PAQR3: variants seen among roughly 807,000 people sequenced by gnomAD.
PAQR3 encodes progestin and adipoQ receptor family member 3, also known as Raf kinase trapping to Golgi.
In PAQR3, 39 loss-of-function variants were observed where a neutral mutation model predicts 41.7. The observed-to-expected ratio is 0.93, with a 90% confidence interval of 0.72 to 1.22. The LOEUF (loss-of-function observed/expected upper bound fraction) is 1.22, where lower values mean the gene tolerates loss of function less well. Among genes scored for constraint, PAQR3 ranks in the 50% most tolerant of loss-of-function variants. PAQR3 has a pLI of 0.00. For synonymous variants in PAQR3, 140 were observed against 140.6 expected (o/e 1.00, Z 0.03); for missense variants, 366 against 385.6 (o/e 0.95, Z 0.42).
Position 78,915,047 on chromosome 4 carries a change from T to C in PAQR3, c.*5492A>G, listed in dbSNP as rs1160507611. ...AGACACAAAAATTGCATGGTAAGTATAATAGGTGGAGGAGGAAAGGTTGTA... is the reference window on the plus strand; with the variant it reads ...AGACACAAAAATTGCATGGTAAGTACAATAGGTGGAGGAGGAAAGGTTGTA... On this transcript the variant is annotated 3_prime_UTR_variant, in exon 6 of 6. Transcript: ENST00000512733. The C allele has an allele frequency of 6.6e-6, 1 of 151,994 alleles. No individual in the cohort carries two copies. The highest frequency in any genetic ancestry group is 2.4e-5 in the African/African-American group (1 of 41,418). 9.4% of individuals were successfully genotyped at this position (151,994 alleles called of 1,614,324 possible).
intron 11 of PAQR3, among the ~76,000 whole-genome samples, chr4:78,904,101 A>G (rs1734161265): frequency 6.6e-6 from 1 of 152,000 alleles, no homozygotes; most frequent in Non-Finnish European, 1.5e-5. Context: ...GAAAAAGTGC[A>G]AAGAGATAAG....
At chr4:78,923,683 A>G in intron 5 of PAQR3, 174 bp downstream of exon 5, 1 of 624,724 alleles carries the variant, frequency 1.6e-6, no homozygotes, top group Middle Eastern at 4.4e-4. Flanking sequence ...CATGATCAGG[A>G]TGAAAGGAAA....
chr4:78,927,061 C>A (rs1736310976), intron 3 of PAQR3, among the ~76,000 whole-genome samples: 1 of 152,010 alleles, frequency 6.6e-6, no homozygotes, highest in South Asian at 2.1e-4. Context: ...ATGGGAGGGG[C>A]AGAATGTGAA....
intron 11 of PAQR3, among the ~76,000 whole-genome samples, chr4:78,896,265 A>G (rs1733698127): frequency 6.6e-6 from 1 of 152,208 alleles, no homozygotes; most frequent in African/African-American, 2.4e-5. Context: ...GCAGTTTTTT[A>G]TACAAATGCC....
Position 78,917,210 on chromosome 4 carries a change from T to TTAA in PAQR3, c.*3326_*3328dup, listed in dbSNP as rs964326077. The TTAA allele has an allele frequency of 4.6e-5, 7 of 151,974 alleles. No homozygotes were observed. The highest frequency in any genetic ancestry group is 1.7e-4 in the African/African-American group (7 of 41,438). The allele number at this position is 151,974 out of a possible 1,614,324, so 9.4% of individuals were successfully genotyped here. ...GTCAAGCATCATATGTAACATGTAGTTAATATTCTCATATTGAAAGCTTGA... is the reference window on the plus strand; with the variant it reads ...GTCAAGCATCATATGTAACATGTAGTTAATAATATTCTCATATTGAAAGCTTGA... On this transcript the variant is annotated 3_prime_UTR_variant, in exon 6 of 6. Coordinates refer to ENST00000512733, the MANE Select transcript of PAQR3 (RefSeq NM_001040202.2).
intron 11 of PAQR3, among the ~76,000 whole-genome samples, chr4:78,895,359 G>T (rs1733647676): frequency 6.6e-6 from 1 of 152,168 alleles, no homozygotes; most frequent in African/African-American, 2.4e-5. Flanking sequence ...ACACAGTTTA[G>T]CTGCATTTCA....
In PAQR3 at chr4:78,914,913, TTGAATAATCCTTTAAAAAG is replaced by T. The variant is rs1734915042; in HGVS notation, c.*5607_*5625del. 6.6e-6 allele frequency: 1 copy of T among 151,992 alleles called. No homozygotes were observed. Among genetic ancestry groups the T allele is most frequent in the Non-Finnish European group, 1.5e-5 (1 of 67,920 alleles). 9.4% of individuals were successfully genotyped at this position (151,992 alleles called of 1,614,324 possible). A position where few individuals can be genotyped will look rare whatever the true frequency, so the allele number is the denominator to read the frequency against. ...ACAGCTTTAATAATGCTTGTTGATT[TTGAATAATCCTTTAAAAAG>T]TGGACCATTTGCTTATTTTAATATC... On this transcript the variant is annotated 3_prime_UTR_variant, in exon 6 of 6. Coordinates refer to ENST00000512733, the MANE Select transcript of PAQR3 (RefSeq NM_001040202.2).
intron 3 of PAQR3, among the ~76,000 whole-genome samples, chr4:78,928,974 C>T (rs570444861): frequency 9.1e-4 from 139 of 152,314 alleles, no homozygotes; most frequent in African/African-American, 3.0e-3. Context: ...ATAGGGTTCG[C>T]GCTGCTGTGA....
intron 11 of PAQR3, among the ~76,000 whole-genome samples, chr4:78,905,211 G>A (rs891321298): frequency 8.6e-5 from 13 of 151,530 alleles, no homozygotes; most frequent in Non-Finnish European, 1.2e-4. Context: ...ATTTTTGCAC[G>A]GCATTTATTT....
At position 78,926,045 on chromosome 4, in the gene PAQR3, A is replaced by C. The variant is rs999386077; in HGVS notation, c.702+476T>G. Among the ~76,000 whole-genome samples, 152 of 152,306 alleles carry C rather than the reference A, an allele frequency of 1.0e-3. 9 individuals carry two copies. The highest frequency in any genetic ancestry group is 6.5e-4 in the Admixed American group (10 of 15,294). ...ATTGCCAGTCTCAAACTCTGGCTGA[A>C]ATCCCAGATCCTATCTCTACCTTTA... On this transcript the variant is annotated intron_variant, in intron 4 of 5. Transcript: ENST00000512733.
At chr4:78,938,652 T>C (rs563500520) in intron 1 of PAQR3, among the ~76,000 whole-genome samples, 1 of 152,226 alleles carries the variant, frequency 6.6e-6, no homozygotes, top group South Asian at 2.1e-4. Flanking sequence ...CAGGCACTTA[T>C]CTGGCCCAAA....
chr4:78,930,319 TAC>T lies in PAQR3; in HGVS notation c.353_354del (p.Cys118TyrfsTer49). The T allele has an allele frequency of 6.3e-7, 1 of 1,597,342 alleles. No homozygotes were observed. The highest frequency in any genetic ancestry group is 8.5e-7 in the Non-Finnish European group (1 of 1,175,698). ...CSICLFCFQVCMLCSVGYHLF... is the reference protein window; with the variant it reads ...CSICLFCFQVXMLCSVGYHLF... Reference sequence around the variant, plus strand: ...AGATGATAGCCCACAGAGCAAAGCATACAGACCTGTGAAAAATAAAAACAAAT... The same window carrying T: ...AGATGATAGCCCACAGAGCAAAGCATAGACCTGTGAAAAATAAAAACAAAT... On this transcript the variant is annotated frameshift_variant, in exon 3 of 6. Transcript: ENST00000512733. LOFTEE classifies it high-confidence loss of function.
At chr4:78,921,648 G>C in intron 5 of PAQR3, 1 of 979,278 alleles carries the variant, frequency 1.0e-6, no homozygotes, top group South Asian at 4.7e-5. Flanking sequence ...GGGACCCTTG[G>C]ACCCATCAAA....
At chr4:78,898,614 T>G (rs1162457313) in intron 11 of PAQR3, among the ~76,000 whole-genome samples, 2 of 149,882 alleles carry the variant, frequency 1.3e-5, no homozygotes, top group Non-Finnish European at 3.0e-5. Flanking sequence ...ATTCCTTTCC[T>G]GTTTAAAGTC....
In PAQR3 at chr4:78,921,796, A is replaced by G. The variant is rs140062657; in HGVS notation, c.794-1115T>C. 6.2e-5 allele frequency: 61 copies of G among 984,986 alleles called. No homozygotes were observed. In the East Asian group the frequency reaches 6.4e-3, roughly 103 times the overall value. The allele number at this position is 984,986 out of a possible 1,614,324, so 61.0% of individuals were successfully genotyped here. The stretch of plus-strand genomic sequence containing the variant: ...GAGATAGTTTCTAAGGCATTTATAT[A>G]TGAACATTTGAGACTATCACTTTTC... On this transcript the variant is annotated intron_variant, in intron 5 of 5. Transcript: ENST00000512733.
rs1577993881 is a variant in PAQR3, at chr4:78,913,948, A to G, written c.*6591T>C. 6.6e-6 allele frequency: 1 copy of G among 151,934 alleles called. No individual in the cohort carries two copies. Among genetic ancestry groups the G allele is most frequent in the African/African-American group, 2.4e-5 (1 of 41,370 alleles). The allele number at this position is 151,934 out of a possible 1,614,324, so 9.4% of individuals were successfully genotyped here. A position where few individuals can be genotyped will look rare whatever the true frequency, so the allele number is the denominator to read the frequency against. ...AGGTTGATTAATACTGCTAATGCAA[A>G]TGCTCAAGTAGATGTTTAAAAACTT... is the stretch of plus-strand genomic sequence containing the variant. On this transcript the variant is annotated 3_prime_UTR_variant, in exon 6 of 6. Coordinates refer to ENST00000512733, the MANE Select transcript of PAQR3 (RefSeq NM_001040202.2).
chr4:78,912,330 C>T lies in PAQR3; in HGVS notation c.*8209G>A, dbSNP rs1480173781. ...TCCAGTGAAAGCACATGGCACCTTT[C>T]TAGGTGTGTAGCCACTGAGAAGGGA... On this transcript the variant is annotated 3_prime_UTR_variant, in exon 6 of 6. Transcript: ENST00000512733. 1 of 304,720 alleles carries T rather than the reference C, an allele frequency of 3.3e-6. No homozygotes were observed. The highest frequency in any genetic ancestry group is 6.1e-6 in the Non-Finnish European group (1 of 165,206). 18.9% of individuals were successfully genotyped at this position (304,720 alleles called of 1,614,324 possible).
downstream of PAQR3, chr4:78,910,693 C>T (rs188481381): frequency 6.9e-4 from 1,119 of 1,611,086 alleles, 1 homozygote; most frequent in Non-Finnish European, 9.1e-4. Flanking sequence ...TAAAACAAGT[C>T]CAGCATCTAA....
At chr4:78,904,854 TTTATTATTTTAAC>T (rs1734206320) in intron 11 of PAQR3, among the ~76,000 whole-genome samples, 1 of 151,968 alleles carries the variant, frequency 6.6e-6, no homozygotes, top group African/African-American at 2.4e-5. Context: ...AGTCTATGAT[TTTATTATTTTAAC>T]TAGGTTCTGA....
Sources: allele counts gnomAD v4.1 joint callset (sites outside exome capture counted in the v4.1 genomes callset), GRCh38; gene constraint gnomAD v4.1.1; transcripts MANE v1.5; gene names NCBI Gene and HGNC (gene_info 2026-07-23, HGNC 2026-07-21).